The following BCO1 variants were observed in gnomAD, a reference collection of about 807,000 sequenced individuals.
The protein encoded by BCO1 is beta,beta-carotene 15,15'-dioxygenase.
In BCO1, 54 loss-of-function variants were observed where a neutral mutation model predicts 56.3. The observed-to-expected ratio is 0.96, with a 90% confidence interval of 0.77 to 1.20. BCO1 has a LOEUF of 1.20. Among genes scored for constraint, BCO1 ranks in the 50% most tolerant of loss-of-function variants. BCO1 has a pLI of 0.00. For missense variants in BCO1, 801 were observed against 690.9 expected (o/e 1.16, Z -1.79); for synonymous variants, 318 against 266.1 (o/e 1.20, Z -1.90).
rs71710906 is a variant in BCO1 at position 81,246,850 on chromosome 16, C to CAAAAAAAAAAAAAAAAAAAAAAAAA, written c.193+1265_193+1266insAAAAAAAAAAAAAAAAAAAAAAAAA. On this transcript the variant is annotated intron_variant, in intron 2 of 10. Coordinates refer to ENST00000258168, the MANE Select transcript of BCO1 (RefSeq NM_017429.3). ...TGGGAGACAGAGCCAGACTTTGTCT[C>CAAAAAAAAAAAAAAAAAAAAAAAAA]AAAAAAAAAAAAAAAAAAGAAGAGT... Among the ~76,000 whole-genome samples, 5 of 83,338 alleles carry CAAAAAAAAAAAAAAAAAAAAAAAAA rather than the reference C, an allele frequency of 6.0e-5. 1 individual carries two copies. Among genetic ancestry groups the CAAAAAAAAAAAAAAAAAAAAAAAAA allele is most frequent in the Non-Finnish European group, 1.2e-4 (5 of 41,906 alleles). 54.7% of individuals were successfully genotyped at this position (83,338 alleles called of 152,430 possible).
At chr16:81,255,133 T>G (rs1906051874) in intron 2 of BCO1, among the ~76,000 whole-genome samples, 1 of 152,184 alleles carries the variant, frequency 6.6e-6, no homozygotes, top group South Asian at 2.1e-4. Context: ...AGCTCCCCTT[T>G]GTGAAACCTC....
At chr16:81,285,278 T>C (rs1034866382) in intron 8 of BCO1, among the ~76,000 whole-genome samples, 3 of 152,246 alleles carry the variant, frequency 2.0e-5, no homozygotes, top group Non-Finnish European at 4.4e-5. Context: ...CTATGTTGGA[T>C]AATTAAAGAT....
At chr16:81,288,062 G>A (rs1186989957) in intron 10 of BCO1, among the ~76,000 whole-genome samples, 1 of 152,078 alleles carries the variant, frequency 6.6e-6, no homozygotes, top group Non-Finnish European at 1.5e-5. Flanking sequence ...AGGCCCCCAG[G>A]TATACAAAGA....
chr16:81,270,686 C>CTGTG (rs762227797), intron 7 of BCO1, among the ~76,000 whole-genome samples: 7 of 29,564 alleles, frequency 2.4e-4, no homozygotes, highest in East Asian at 7.8e-4. Flanking sequence ...GTCTCTCTCT[C>CTGTG]TGTGTCTGTG....
chr16:81,276,480 G>T (rs1186967634), intron 7 of BCO1, among the ~76,000 whole-genome samples: 1 of 152,224 alleles, frequency 6.6e-6, no homozygotes, highest in African/African-American at 2.4e-5. Context: ...AGGTGGCCAG[G>T]GCTGGCTGTT....
At chr16:81,267,029 G>C (rs79508723) in intron 5 of BCO1, among the ~76,000 whole-genome samples, 2 of 152,178 alleles carry the variant, frequency 1.3e-5, no homozygotes, top group Non-Finnish European at 2.9e-5. Flanking sequence ...TGACCAGCGA[G>C]TGACTCATGC....
chr16:81,270,196 C>T lies in BCO1; in HGVS notation c.881C>T (p.Pro294Leu), dbSNP rs763897086. 15 of 1,614,080 alleles carry T rather than the reference C, an allele frequency of 9.3e-6. No individual in the cohort carries two copies. Among genetic ancestry groups the T allele is most frequent in the Admixed American group, 1.7e-5 (1 of 59,994 alleles). Reference protein sequence around the residue: ...IHIIDQRTRQPVQTKFYTDAM... With the variant: ...IHIIDQRTRQLVQTKFYTDAM... ...ATCATCGACCAAAGGACCAGGCAGC[C>T]TGTGCAGACCAAGTTTTACACAGAC... Residue 294 changes from proline (P) to leucine (L), a missense_variant, in exon 7 of 11, where the codon CCT (proline) becomes CTT (leucine). Coordinates refer to ENST00000258168, the MANE Select transcript of BCO1 (RefSeq NM_017429.3).
At chr16:81,258,925 G>A (rs1011393918) in intron 2 of BCO1, among the ~76,000 whole-genome samples, 1 of 152,142 alleles carries the variant, frequency 6.6e-6, no homozygotes, top group Non-Finnish European at 1.5e-5. Context: ...GAGCAGGCAT[G>A]TCACATGGTG....
intron 1 of BCO1, among the ~76,000 whole-genome samples, chr16:81,244,055 G>T (rs1444042486): frequency 6.6e-6 from 1 of 152,234 alleles, no homozygotes; most frequent in Non-Finnish European, 1.5e-5. Context: ...GCTTCCAGGG[G>T]CATTACCTAT....
chr16:81,257,160 C>T (rs746252755), intron 2 of BCO1, among the ~76,000 whole-genome samples: 3 of 152,186 alleles, frequency 2.0e-5, no homozygotes, highest in African/African-American at 7.2e-5. Flanking sequence ...GCACCACCTC[C>T]TCCCTGAAGC....
At chr16:81,286,467 A>C (rs1020442670) in intron 9 of BCO1, among the ~76,000 whole-genome samples, 4 of 152,200 alleles carry the variant, frequency 2.6e-5, no homozygotes, top group Non-Finnish European at 4.4e-5. Flanking sequence ...TTAAAGCAAC[A>C]AAGGGGTTGT....
rs1908236491 is a variant in BCO1 at position 81,287,278 on chromosome 16, C to T, written c.1303-17C>T. On this transcript the variant is annotated splice_polypyrimidine_tract_variant and intron_variant, in intron 9 of 10. Coordinates refer to ENST00000258168, the MANE Select transcript of BCO1 (RefSeq NM_017429.3). ...TCAAACAAGTCATTTATGTGTTTTT[C>T]CTCGTTGGATGTACAGATAATAAAA... 1 of 1,560,392 alleles carries T rather than the reference C, an allele frequency of 6.4e-7. No individual in the cohort carries two copies.
intron 9 of BCO1, among the ~76,000 whole-genome samples, chr16:81,286,595 C>T (rs573169094): frequency 1.9e-3 from 287 of 152,290 alleles, no homozygotes; most frequent in African/African-American, 6.5e-3. Flanking sequence ...GTGGCTCACG[C>T]CTGTAATCCT....
chr16:81,278,403 C>T (rs1387202114), intron 7 of BCO1, among the ~76,000 whole-genome samples: 1 of 152,136 alleles, frequency 6.6e-6, no homozygotes, highest in Non-Finnish European at 1.5e-5. Flanking sequence ...TGCATTTCCT[C>T]TCATTTGATT....
intron 10 of BCO1, among the ~76,000 whole-genome samples, chr16:81,289,734 T>C (rs926998214): frequency 1.3e-5 from 2 of 152,188 alleles, no homozygotes; most frequent in Admixed American, 6.5e-5. Context: ...ATTCAGGAGA[T>C]ACTCTCGGCA....
intron 2 of BCO1, among the ~76,000 whole-genome samples, chr16:81,253,393 G>A (rs1163770848): frequency 1.3e-5 from 2 of 152,212 alleles, no homozygotes; most frequent in African/African-American, 4.8e-5. Flanking sequence ...TCATGTCATA[G>A]TGGAGGGGAC....
chr16:81,261,963 C>T (rs921893068), intron 3 of BCO1, 173 bp from the exon 4 acceptor site: 2 of 719,234 alleles, frequency 2.8e-6, no homozygotes, highest in Non-Finnish European at 4.8e-6. Context: ...AGGATGGTCT[C>T]AATCTCCTGA....
chr16:81,280,787 T>G, intron 7 of BCO1, 70 bp from the exon 8 acceptor site: 1 of 1,130,478 alleles, frequency 8.8e-7, no homozygotes, highest in Non-Finnish European at 1.3e-6. Flanking sequence ...AAAAAATATA[T>G]ACACTAAAGC....
At chr16:81,246,139 T>C (rs1905401845) in intron 2 of BCO1, among the ~76,000 whole-genome samples, 1 of 152,132 alleles carries the variant, frequency 6.6e-6, no homozygotes, top group African/African-American at 2.4e-5. Flanking sequence ...TCCATCTCTA[T>C]CTTTAAAGCA....
Sources: gnomAD v4.1 joint callset for allele counts (sites outside exome capture counted in the v4.1 genomes callset) on GRCh38, gnomAD v4.1.1 for gene constraint, MANE v1.5 for transcripts, NCBI Gene and HGNC (gene_info 2026-07-23, HGNC 2026-07-21) for gene names.